CDH18: variants seen among roughly 807,000 people sequenced by gnomAD.
CDH18 encodes cadherin-18.
CDH18 carries 31 observed loss-of-function variants against 67.9 expected under a neutral mutation model. The observed-to-expected ratio is 0.46, with a 90% CI of 0.34 to 0.62. CDH18 has a LOEUF of 0.62. Among genes scored for constraint, CDH18 ranks in the 20% least tolerant of loss-of-function variants. The probability of loss-of-function intolerance (pLI) is 0.01; values close to 1 mark genes in which losing one functional copy is unlikely to be tolerated. For synonymous variants in CDH18, 362 were observed against 347.2 expected, an observed-to-expected ratio of 1.04 and a Z score of -0.48; for missense variants, 890 against 975.5, an observed-to-expected ratio of 0.91 and a Z score of 1.17.
At chr5:19,793,701 G>A (rs1315646651) in intron 3 of CDH18, among the ~76,000 whole-genome samples, 1 of 151,990 alleles carries the variant, frequency 6.6e-6, no homozygotes, top group Non-Finnish European at 1.5e-5. Flanking sequence ...TTAGCCTTTG[G>A]AAAGATAGAC....
chr5:20,126,063 G>A (rs141636640), intron 2 of CDH18, among the ~76,000 whole-genome samples: 1 of 152,218 alleles, frequency 6.6e-6, no homozygotes, highest in East Asian at 1.9e-4. Context: ...ATTTCAAAAC[G>A]AATGACATAG....
intron 1 of CDH18, among the ~76,000 whole-genome samples, chr5:20,407,913 C>T (rs950311817): frequency 6.6e-6 from 1 of 151,942 alleles, no homozygotes; most frequent in Non-Finnish European, 1.5e-5. Flanking sequence ...TCCTAAAAGA[C>T]TCTCTCTGCC....
chr5:19,526,584 A>G (rs528113612), intron 9 of CDH18, among the ~76,000 whole-genome samples: 3 of 152,210 alleles, frequency 2.0e-5, no homozygotes, highest in East Asian at 1.9e-4. Flanking sequence ...TGGAAAAAAT[A>G]AATACTAATT....
intron 1 of CDH18, among the ~76,000 whole-genome samples, chr5:20,350,654 G>C (rs1741092843): frequency 6.6e-6 from 1 of 152,020 alleles, no homozygotes; most frequent in South Asian, 2.1e-4. Flanking sequence ...TGACTTTTAT[G>C]GGTTTAGCTA....
At chr5:19,846,721 T>C in intron 2 of CDH18, among the ~76,000 whole-genome samples, 1 of 152,058 alleles carries the variant, frequency 6.6e-6, no homozygotes, top group East Asian at 1.9e-4. Flanking sequence ...TACTGAGGGG[T>C]AGCTGTACTT....
At chr5:19,802,401 GGAGT>G (rs1438241283) in intron 3 of CDH18, among the ~76,000 whole-genome samples, 3 of 151,968 alleles carry the variant, frequency 2.0e-5, no homozygotes, top group African/African-American at 7.3e-5. Context: ...GGTGGACACT[GGAGT>G]AAGTTTAAAA....
chr5:20,249,641 A>T (rs1245602907), intron 2 of CDH18, among the ~76,000 whole-genome samples: 1 of 152,148 alleles, frequency 6.6e-6, no homozygotes, highest in East Asian at 1.9e-4. Flanking sequence ...AAGTGCTGAG[A>T]TTACAGGCGT....
intron 2 of CDH18, among the ~76,000 whole-genome samples, chr5:19,859,660 C>T (rs1175501373): frequency 1.3e-5 from 2 of 152,108 alleles, no homozygotes; most frequent in African/African-American, 2.4e-5. Context: ...CAAACAATTG[C>T]CAATCAAAAT....
intron 1 of CDH18, among the ~76,000 whole-genome samples, chr5:20,465,423 C>T (rs1053017519): frequency 6.6e-6 from 1 of 151,910 alleles, no homozygotes. Flanking sequence ...GGTAGTGATA[C>T]AGAAAGTATT....
chr5:20,465,052 C>A (rs1345525279), intron 1 of CDH18, among the ~76,000 whole-genome samples: 1 of 152,040 alleles, frequency 6.6e-6, no homozygotes, highest in Non-Finnish European at 1.5e-5. Flanking sequence ...ATGAATAGTT[C>A]AATTCTACAC....
chr5:20,172,190 G>GTATATATATATATATATATATATA (rs70954640), intron 2 of CDH18, among the ~76,000 whole-genome samples: 13 of 23,328 alleles, frequency 5.6e-4, no homozygotes, highest in East Asian at 1.6e-3. Flanking sequence ...AGCATTGTGT[G>GTATATATATATATATATATATATA]TATATATATA....
intron 1 of CDH18, among the ~76,000 whole-genome samples, chr5:20,475,884 AT>A (rs1162633330): frequency 6.6e-6 from 1 of 152,178 alleles, no homozygotes. Flanking sequence ...AAAGGTTTGG[AT>A]TGCTGAAGAC....
chr5:19,678,456 C>A (rs1561022474), intron 5 of CDH18, among the ~76,000 whole-genome samples: 1 of 151,660 alleles, frequency 6.6e-6, no homozygotes, highest in Non-Finnish European at 1.5e-5. Flanking sequence ...ACAACATACC[C>A]AAATCACTGG....
intron 1 of CDH18, among the ~76,000 whole-genome samples, chr5:20,414,081 T>C (rs981444994): frequency 3.9e-5 from 6 of 152,224 alleles, no homozygotes; most frequent in Non-Finnish European, 5.9e-5. Flanking sequence ...GGAACACTTA[T>C]GTACTGTTAC....
chr5:20,374,473 T>C lies in CDH18; in HGVS notation c.-579-118968A>G, dbSNP rs74614559. 0.017 allele frequency among the ~76,000 whole-genome samples: 2,634 copies of C among 152,296 alleles called. 256 individuals are homozygous for C. The East Asian group carries it at 0.3, about 17-fold the overall frequency. On this transcript the variant is annotated intron_variant, in intron 1 of 14. Transcript: ENST00000507958. ...TGGAGCAGCACAGATTTGAGACATC[T>C]TGGGGTTTGAATTTAATCTAAGGAA...
At chr5:19,716,130 T>G in intron 5 of CDH18, among the ~76,000 whole-genome samples, 1 of 152,076 alleles carries the variant, frequency 6.6e-6, no homozygotes, top group East Asian at 1.9e-4. Flanking sequence ...CTTGTCAATC[T>G]TAAAGAAGGA....
intron 2 of CDH18, among the ~76,000 whole-genome samples, chr5:20,183,489 A>T (rs1230474228): frequency 2.0e-5 from 3 of 152,064 alleles, no homozygotes; most frequent in Non-Finnish European, 4.4e-5. Flanking sequence ...ATAGGCAACG[A>T]TATTCTCCAA....
chr5:19,556,335 T>C (rs1738412311), intron 8 of CDH18, among the ~76,000 whole-genome samples: 1 of 151,196 alleles, frequency 6.6e-6, no homozygotes, highest in South Asian at 2.1e-4. Context: ...AAGGAAGCAC[T>C]AGAGAAAGGT....
At position 20,452,000 on chromosome 5, in the gene CDH18, TTA is replaced by T. The variant is rs1750490086; in HGVS notation, c.-580+123460_-580+123461del. ...CTTTAAGAAAACCATGTAAAGAAAT[TTA>T]TATACTTTATACCATCAATGATATT... is the stretch of plus-strand genomic sequence containing the variant. On this transcript the variant is annotated intron_variant, in intron 1 of 14. Coordinates refer to the CDH18 transcript ENST00000507958. Among the ~76,000 whole-genome samples the T allele has an allele frequency of 3.1e-4, 47 of 152,210 alleles. 1 individual carries two copies. The South Asian group carries it at 9.5e-3, about 31-fold the overall frequency.
Sources: allele counts gnomAD v4.1 joint callset (sites outside exome capture counted in the v4.1 genomes callset), GRCh38; gene constraint gnomAD v4.1.1; transcripts MANE v1.5; gene names NCBI Gene and HGNC (gene_info 2026-07-23, HGNC 2026-07-21).